SNRPD3: variants seen among roughly 807,000 people sequenced by gnomAD.
The protein encoded by SNRPD3 is small nuclear ribonucleoprotein Sm D3.
For missense variants in SNRPD3, 73 were observed against 167.5 expected (o/e 0.44, Z 3.11); for synonymous variants, 66 against 58.4 (o/e 1.13, Z -0.59).
intron 3 of SNRPD3, among the ~76,000 whole-genome samples, chr22:24,571,105 C>G (rs1041265790): frequency 6.6e-6 from 1 of 152,184 alleles, no homozygotes; most frequent in Non-Finnish European, 1.5e-5. Context: ...AGACATGAGC[C>G]ACTGCACCCA....
At chr22:24,565,833 G>A (rs2045192406) in intron 2 of SNRPD3, among the ~76,000 whole-genome samples, 1 of 152,060 alleles carries the variant, frequency 6.6e-6, no homozygotes, top group South Asian at 2.1e-4. Context: ...GCTAATTTTT[G>A]TATTTTTAGT....
In SNRPD3 at chr22:24,572,634, A is replaced by T. The variant is rs1225173442; in HGVS notation, c.*657A>T. On this transcript the variant is annotated 3_prime_UTR_variant, in exon 4 of 4. Transcript: ENST00000215829. ...AAATTAGCCGGGTGCGGTGGCATGT[A>T]CCTGTAGTCCCAGCTACTCGGGAGG... 6.1e-6 allele frequency: 1 copy of T among 163,206 alleles called. No homozygotes were observed. Among genetic ancestry groups the T allele is most frequent in the East Asian group, 1.8e-4 (1 of 5,606 alleles). The allele number at this position is 163,206 out of a possible 1,614,324, so 10.1% of individuals were successfully genotyped here. A position where few individuals can be genotyped will look rare whatever the true frequency, so the allele number is the denominator to read the frequency against.
intron 2 of SNRPD3, among the ~76,000 whole-genome samples, chr22:24,559,270 C>T (rs1389873328): frequency 6.6e-6 from 1 of 152,102 alleles, no homozygotes; most frequent in East Asian, 1.9e-4. Flanking sequence ...AGAAGTAGAC[C>T]TCTGGTGACT....
At chr22:24,561,353 C>T (rs973443330) in intron 2 of SNRPD3, among the ~76,000 whole-genome samples, 1 of 152,150 alleles carries the variant, frequency 6.6e-6, no homozygotes, top group Non-Finnish European at 1.5e-5. Flanking sequence ...GAATTACAGG[C>T]ATGAGCCACC....
chr22:24,563,194 C>A (rs1356787579), intron 2 of SNRPD3, among the ~76,000 whole-genome samples: 1 of 141,124 alleles, frequency 7.1e-6, no homozygotes, highest in African/African-American at 2.8e-5. Context: ...ACAGTGAGAC[C>A]CTGTCTCATA....
intron 3 of SNRPD3, 125 bp downstream of exon 3, chr22:24,568,301 T>G (rs910866875): frequency 3.1e-6 from 2 of 642,124 alleles, no homozygotes; most frequent in Non-Finnish European, 5.4e-6. Context: ...CACCACCCAC[T>G]GCCACCCCTT....
intron 3 of SNRPD3, among the ~76,000 whole-genome samples, chr22:24,570,451 G>A (rs1055745287): frequency 5.9e-5 from 9 of 152,164 alleles, no homozygotes; most frequent in African/African-American, 1.9e-4. Flanking sequence ...TTGGGAGGCC[G>A]AGGTGGGCAG....
intron 3 of SNRPD3, 71 bp from the exon 4 acceptor site, chr22:24,571,845 C>G (rs1601572985): frequency 2.0e-6 from 3 of 1,519,682 alleles, no homozygotes; most frequent in East Asian, 4.5e-5. Flanking sequence ...GTCCTAGGGC[C>G]CTGGCTACTC....
chr22:24,570,498 C>T (rs1021426495), intron 3 of SNRPD3, among the ~76,000 whole-genome samples: 4 of 152,050 alleles, frequency 2.6e-5, no homozygotes, highest in South Asian at 2.1e-4. Flanking sequence ...GCCTGGCCAA[C>T]ACAGTGAAAC....
chr22:24,558,919 C>T (rs2045106576), intron 2 of SNRPD3, among the ~76,000 whole-genome samples: 1 of 152,174 alleles, frequency 6.6e-6, no homozygotes, highest in Non-Finnish European at 1.5e-5. Flanking sequence ...GCTGCCTGCA[C>T]TCCTCATAGC....
intron 2 of SNRPD3, among the ~76,000 whole-genome samples, chr22:24,563,479 TGCTGCAGGATAGGGCATCA>T: frequency 6.6e-6 from 1 of 151,984 alleles, no homozygotes; most frequent in East Asian, 1.9e-4. Flanking sequence ...TGGTGGCCAG[TGCTGCAGGATAGGGCATCA>T]GCTGCAGGAT....
upstream of SNRPD3, chr22:24,555,779 C>T (rs1011142525): frequency 5.2e-6 from 8 of 1,550,096 alleles, no homozygotes; most frequent in African/African-American, 9.6e-5. Context: ...CTCTCTGGCT[C>T]TTTGCCGGCC....
intron 2 of SNRPD3, among the ~76,000 whole-genome samples, chr22:24,561,628 A>G (rs1220701958): frequency 2.0e-5 from 3 of 152,234 alleles, no homozygotes; most frequent in Non-Finnish European, 2.9e-5. Context: ...TGTCCTTCCC[A>G]GATCCAGTCA....
intron 2 of SNRPD3, among the ~76,000 whole-genome samples, chr22:24,564,096 C>T (rs1053239542): frequency 6.6e-6 from 1 of 151,946 alleles, no homozygotes; most frequent in Non-Finnish European, 1.5e-5. Flanking sequence ...TTTGTATTTC[C>T]TAAGAACAAA....
At chr22:24,565,408 G>A (rs2045187419) in intron 2 of SNRPD3, among the ~76,000 whole-genome samples, 1 of 152,166 alleles carries the variant, frequency 6.6e-6, no homozygotes, top group Admixed American at 6.5e-5. Flanking sequence ...AGCTGCCGTG[G>A]GGAAATCACC....
At chr22:24,567,472 C>T (rs1490376770) in intron 2 of SNRPD3, among the ~76,000 whole-genome samples, 3 of 152,074 alleles carry the variant, frequency 2.0e-5, no homozygotes, top group African/African-American at 4.8e-5. Flanking sequence ...CTCGGCTGGG[C>T]GCAGTGGCTC....
chr22:24,572,475 T>G lies in SNRPD3; in HGVS notation c.*498T>G. On this transcript the variant is annotated 3_prime_UTR_variant, in exon 4 of 4. Coordinates refer to ENST00000215829, the MANE Select transcript of SNRPD3 (RefSeq NM_004175.5). ...TTTCCCTTGATAAAGTCATAGGTAA[T>G]TCAGGGGCTGGGTGCGGCGGCTCAC... 3.8e-6 allele frequency: 1 copy of G among 264,928 alleles called. No homozygotes were observed. Among genetic ancestry groups the G allele is most frequent in the Non-Finnish European group, 7.3e-6 (1 of 137,644 alleles). 16.4% of individuals were successfully genotyped at this position (264,928 alleles called of 1,614,324 possible).
chr22:24,560,428 CTTTTTTTTTTTTTTTTTTTTT>C (rs60835175), intron 2 of SNRPD3, among the ~76,000 whole-genome samples: 2 of 49,074 alleles, frequency 4.1e-5, no homozygotes, highest in African/African-American at 1.6e-4. Context: ...AGCTTGCTTG[CTTTTTTTTTTTTTTTTTTTTT>C]TTTTTTTTTT....
At chr22:24,556,743 A>G (rs1310721174) in intron 1 of SNRPD3, among the ~76,000 whole-genome samples, 1 of 152,260 alleles carries the variant, frequency 6.6e-6, no homozygotes, top group Non-Finnish European at 1.5e-5. Context: ...TCAGCATAAA[A>G]TCTAGACTCC....
Sources: gnomAD v4.1 joint callset for allele counts (sites outside exome capture counted in the v4.1 genomes callset) on GRCh38, gnomAD v4.1.1 for gene constraint, MANE v1.5 for transcripts, NCBI Gene and HGNC (gene_info 2026-07-23, HGNC 2026-07-21) for gene names.